CRTC3: variants seen among roughly 807,000 people sequenced by gnomAD.
CRTC3 encodes the protein CREB-regulated transcription coactivator 3.
Under a neutral mutation model 74.5 loss-of-function variants are expected in CRTC3, and 26 were observed. That is an observed-to-expected ratio of 0.35 (90% CI 0.26 to 0.48). The LOEUF (loss-of-function observed/expected upper bound fraction) is 0.48. CRTC3 is among the 20% of genes least tolerant of loss of function. The pLI is 0.99. For missense variants in CRTC3, 760 were observed against 787.3 expected (o/e 0.97, Z 0.41); for synonymous variants, 377 against 325.8 (o/e 1.16, Z -1.69).
intron 2 of CRTC3, among the ~76,000 whole-genome samples, chr15:90,546,055 A>G (rs1246944397): frequency 6.6e-6 from 1 of 152,116 alleles, no homozygotes; most frequent in South Asian, 2.1e-4. Flanking sequence ...TTTGAAGTCT[A>G]GTTTATCAAT....
chr15:90,549,123 C>T (rs1966849615), intron 2 of CRTC3, among the ~76,000 whole-genome samples: 1 of 152,104 alleles, frequency 6.6e-6, no homozygotes, highest in Admixed American at 6.5e-5. Context: ...TATTTTTTAA[C>T]AAAATCAGCC....
At chr15:90,537,695 G>C (rs1486171344) in intron 1 of CRTC3, among the ~76,000 whole-genome samples, 1 of 151,704 alleles carries the variant, frequency 6.6e-6, no homozygotes, top group Non-Finnish European at 1.5e-5. Flanking sequence ...TTTTTTTTGA[G>C]ACAGAGTCTC....
At chr15:90,608,621 T>C (rs966008210) in intron 6 of CRTC3, among the ~76,000 whole-genome samples, 4 of 152,250 alleles carry the variant, frequency 2.6e-5, no homozygotes, top group Non-Finnish European at 4.4e-5. Flanking sequence ...TGGCTGCTTT[T>C]TTATGTGAAC....
intron 13 of CRTC3, among the ~76,000 whole-genome samples, chr15:90,639,705 C>T (rs1307427101): frequency 3.3e-5 from 5 of 150,050 alleles, no homozygotes; most frequent in Non-Finnish European, 7.4e-5. Context: ...CCGCCTTGGC[C>T]TCCCAAAGTG....
chr15:90,557,490 T>A (rs1412837978), intron 2 of CRTC3, among the ~76,000 whole-genome samples: 1 of 152,168 alleles, frequency 6.6e-6, no homozygotes, highest in Non-Finnish European at 1.5e-5. Flanking sequence ...AGCCCCCAAC[T>A]AAGGTCTCAG....
chr15:90,613,618 T>G (rs1968419097), intron 6 of CRTC3: 1 of 152,200 alleles, frequency 6.6e-6, no homozygotes, highest in African/African-American at 2.4e-5. Flanking sequence ...TTGTATAGAC[T>G]AATCAGGTTA....
intron 2 of CRTC3, among the ~76,000 whole-genome samples, chr15:90,542,537 A>G (rs1398158171): frequency 6.6e-6 from 1 of 152,020 alleles, no homozygotes; most frequent in Non-Finnish European, 1.5e-5. Context: ...ATCACCCCCT[A>G]ATATTTCACT....
intron 3 of CRTC3, chr15:90,595,034 A>G (rs1967887213): frequency 6.6e-6 from 1 of 152,218 alleles, no homozygotes; most frequent in Non-Finnish European, 1.5e-5. Context: ...CCACAGAAGG[A>G]CTGACTTCTG....
chr15:90,569,840 G>C (rs1001935051), intron 2 of CRTC3, among the ~76,000 whole-genome samples: 1 of 152,122 alleles, frequency 6.6e-6, no homozygotes, highest in Non-Finnish European at 1.5e-5. Flanking sequence ...AGGATGTTAA[G>C]ATAGTAATAT....
chr15:90,626,634 T>TG (rs1435635833), intron 10 of CRTC3, among the ~76,000 whole-genome samples: 5 of 150,072 alleles, frequency 3.3e-5, no homozygotes, highest in African/African-American at 1.2e-4. Flanking sequence ...TTTTTTGAGA[T>TG]GGGGTCTTAC....
rs777096700 is a variant in CRTC3, at chr15:90,638,755, C to T, written c.1488C>T (p.Phe496=). ...TGAAGGGCTCATCTTTGACCAACTT[C>T]TTCCCAGATGTGGGTTTTGACCAGC... ...LPAQGSSLTN[F]FPDVGFDQQS... is the part of the protein sequence containing the mutation. The change falls in exon 13 of 15, where the codon TTC becomes TTT. Residue 496 remains phenylalanine (F), a synonymous_variant. Transcript: ENST00000268184. 6 of 1,614,208 alleles carry T rather than the reference C, an allele frequency of 3.7e-6. No individual in the cohort carries two copies. The highest frequency in any genetic ancestry group is 5.1e-6 in the Non-Finnish European group (6 of 1,180,030).
chr15:90,638,545 C>G lies in CRTC3; in HGVS notation c.1366C>G (p.Gln456Glu), dbSNP rs762399465. 1 of 1,613,164 alleles carries G rather than the reference C, an allele frequency of 6.2e-7. No individual in the cohort carries two copies. The highest frequency in any genetic ancestry group is 8.5e-7 in the Non-Finnish European group (1 of 1,179,552). ...TTACCCTGCACCCCAGGAGCTCACC[C>G]AGCCCCTCCTGCAGCAGCCCCGCGC... ...PPYPAPQELT[Q>E]PLLQQPRAPE... The change falls in exon 12 of 15, where the codon CAG becomes GAG. Residue 456 changes from glutamine (Q) to glutamate (E), a missense_variant. Coordinates refer to ENST00000268184, the MANE Select transcript of CRTC3 (RefSeq NM_022769.5).
At chr15:90,546,359 G>T (rs1171884645) in intron 2 of CRTC3, among the ~76,000 whole-genome samples, 1 of 151,908 alleles carries the variant, frequency 6.6e-6, no homozygotes, top group Non-Finnish European at 1.5e-5. Context: ...TATACATGTG[G>T]GTCTATTTCC....
chr15:90,538,396 G>C (rs1222131833), intron 1 of CRTC3, among the ~76,000 whole-genome samples: 1 of 152,148 alleles, frequency 6.6e-6, no homozygotes, highest in Non-Finnish European at 1.5e-5. Flanking sequence ...GGTTATAACT[G>C]TCTCCCTGTG....
chr15:90,554,813 C>T (rs1384269548), intron 2 of CRTC3, among the ~76,000 whole-genome samples: 1 of 152,214 alleles, frequency 6.6e-6, no homozygotes, highest in African/African-American at 2.4e-5. Flanking sequence ...AGGGATCCTC[C>T]CACACCAGAG....
At chr15:90,587,154 T>C (rs1021040187) in intron 2 of CRTC3, among the ~76,000 whole-genome samples, 1 of 152,236 alleles carries the variant, frequency 6.6e-6, no homozygotes, top group African/African-American at 2.4e-5. Flanking sequence ...CGAAATCTAG[T>C]TGCAACTTTT....
rs1968815428 is a variant in CRTC3 at position 90,625,866 on chromosome 15, C to T, written c.840C>T (p.Leu280=). ...TGGSLPDLTN[L]HYSTPLPASL... Reference sequence around the variant, plus strand: ...GGTCATTGCCAGATCTAACCAACCTCCACTACTCGACACCCCTGCCAGCCT... The same window carrying T: ...GGTCATTGCCAGATCTAACCAACCTTCACTACTCGACACCCCTGCCAGCCT... Residue 280 remains leucine (L), a synonymous_variant, in exon 10 of 15, where the codon CTC becomes CTT. Coordinates refer to ENST00000268184, the MANE Select transcript of CRTC3 (RefSeq NM_022769.5). 2 of 1,614,062 alleles carry T rather than the reference C, an allele frequency of 1.2e-6. No individual in the cohort carries two copies. The highest frequency in any genetic ancestry group is 1.7e-6 in the Non-Finnish European group (2 of 1,180,024).
At position 90,629,448 on chromosome 15, in the gene CRTC3, G is replaced by A. The variant is rs199722697; in HGVS notation, c.1182G>A (p.Thr394=). The change falls in exon 11 of 15, where the codon ACG becomes ACA. Residue 394 remains threonine (T), a synonymous_variant. Transcript: ENST00000268184. ...GGCAGCCTCCCGTCAGCCCTCTCACGCTTTCTCCTGGCCCTGAAGCACATC... is the reference window on the plus strand; with the variant it reads ...GGCAGCCTCCCGTCAGCCCTCTCACACTTTCTCCTGGCCCTGAAGCACATC... The part of the protein sequence containing the change: ...RRRQPPVSPL[T]LSPGPEAHQG... 155 of 1,613,930 alleles carry A rather than the reference G, an allele frequency of 9.6e-5. No individual in the cohort carries two copies. The highest frequency in any genetic ancestry group is 1.1e-4 in the Non-Finnish European group (132 of 1,180,016).
chr15:90,534,309 C>T (rs768781728), intron 1 of CRTC3, among the ~76,000 whole-genome samples: 6 of 152,098 alleles, frequency 3.9e-5, no homozygotes, highest in South Asian at 4.2e-4. Flanking sequence ...CAGGTTTGTG[C>T]GGAAATGCTG....
Sources: allele counts gnomAD v4.1 joint callset (sites outside exome capture counted in the v4.1 genomes callset), GRCh38; gene constraint gnomAD v4.1.1; transcripts MANE v1.5; gene names NCBI Gene and HGNC (gene_info 2026-07-23, HGNC 2026-07-21).